FAM167A: variants seen among roughly 807,000 people sequenced by gnomAD.
The protein encoded by FAM167A is protein FAM167A.
A neutral mutation model predicts 14.9 loss-of-function variants in FAM167A; 23 were observed. The observed-to-expected ratio is 1.55, with a 90% CI of 1.11 to 2.19. The LOEUF (loss-of-function observed/expected upper bound fraction) is 2.19. FAM167A is among the 30% of genes most tolerant of loss of function. The pLI is 0.00. For synonymous variants in FAM167A, 174 were observed against 117.7 expected (o/e 1.48, Z -3.10); for missense variants, 401 against 281.5 (o/e 1.42, Z -3.04).
chr8:11,439,245 G>A (rs1040487434), intron 2 of FAM167A, among the ~76,000 whole-genome samples: 46 of 152,242 alleles, frequency 3.0e-4, no homozygotes, highest in Non-Finnish European at 6.3e-4. Context: ...CCTTCTTGCA[G>A]GATAGTGTAT....
At chr8:11,440,877 C>T (rs1806394783) in intron 2 of FAM167A, among the ~76,000 whole-genome samples, 1 of 152,174 alleles carries the variant, frequency 6.6e-6, no homozygotes, top group African/African-American at 2.4e-5. Flanking sequence ...TTTAAAGGTA[C>T]CTTCAATGAG....
upstream of FAM167A, among the ~76,000 whole-genome samples, chr8:11,470,842 C>T (rs1016217918): frequency 1.3e-5 from 2 of 152,038 alleles, no homozygotes; most frequent in African/African-American, 4.8e-5. Flanking sequence ...CCCAGAGTTT[C>T]AAGAAGAAGC....
Position 11,431,545 on chromosome 8 carries a change from G to A in FAM167A, c.382-6909C>T, listed in dbSNP as rs568897387. Among the ~76,000 whole-genome samples, 5 of 152,284 alleles carry A rather than the reference G, an allele frequency of 3.3e-5. No homozygotes were observed. The East Asian group carries it at 5.8e-4, about 18-fold the overall frequency. ...CATTTTATATTATACATATTTTACTGACATTTAAACAACAACAGCAGAGTC... is the reference window on the plus strand; with the variant it reads ...CATTTTATATTATACATATTTTACTAACATTTAAACAACAACAGCAGAGTC... On this transcript the variant is annotated intron_variant, in intron 2 of 2. Coordinates refer to ENST00000284486, the MANE Select transcript of FAM167A (RefSeq NM_053279.3).
At chr8:11,464,114 A>G (rs1247186203) in intron 1 of FAM167A, among the ~76,000 whole-genome samples, 1 of 152,128 alleles carries the variant, frequency 6.6e-6, no homozygotes, top group Non-Finnish European at 1.5e-5. Context: ...CCTGGCAGAG[A>G]TGAGCAGGCA....
upstream of FAM167A, among the ~76,000 whole-genome samples, chr8:11,470,381 A>G (rs1481735816): frequency 6.6e-6 from 1 of 152,176 alleles, no homozygotes; most frequent in Non-Finnish European, 1.5e-5. Flanking sequence ...TGCCACAATC[A>G]GGGGCCAGCA....
rs1389550038 is a variant in FAM167A at position 11,444,671 on chromosome 8, G to A, written c.-260C>T. The A allele has an allele frequency of 4.0e-6, 5 of 1,264,086 alleles. No individual in the cohort carries two copies. The highest frequency in any genetic ancestry group is 3.8e-5 in the Admixed American group (1 of 26,186). 78.3% of individuals were successfully genotyped at this position (1,264,086 alleles called of 1,614,324 possible). On this transcript the variant is annotated 5_prime_UTR_variant, in exon 2 of 3. Coordinates refer to ENST00000284486, the MANE Select transcript of FAM167A (RefSeq NM_053279.3). ...CTGTGGGTGCCATGCTCCACAGAAGGCAGGAACAGACAGCGTCGCAGGAAT... is the reference window on the plus strand; with the variant it reads ...CTGTGGGTGCCATGCTCCACAGAAGACAGGAACAGACAGCGTCGCAGGAAT...
At chr8:11,468,553 T>C (rs1807857964), upstream of FAM167A, among the ~76,000 whole-genome samples, 2 of 152,236 alleles carry the variant, frequency 1.3e-5, no homozygotes, top group Admixed American at 6.5e-5. Flanking sequence ...GGAGCCTCAA[T>C]CTGGACTTGG....
At chr8:11,465,428 C>A (rs1451844893) in intron 1 of FAM167A, among the ~76,000 whole-genome samples, 1 of 152,186 alleles carries the variant, frequency 6.6e-6, no homozygotes, top group African/African-American at 2.4e-5. Context: ...ATAATAGAGT[C>A]TCCTTGAAGA....
chr8:11,443,746 G>A (rs1010518945), intron 2 of FAM167A: 4 of 380,744 alleles, frequency 1.1e-5, no homozygotes, highest in Non-Finnish European at 1.9e-5. Context: ...CGGTGTTGGG[G>A]GGAGGGGGGT....
chr8:11,438,641 T>A (rs1275236853), intron 2 of FAM167A: 1 of 403,954 alleles, frequency 2.5e-6, no homozygotes, highest in East Asian at 7.1e-5. Flanking sequence ...GAAATAAAGA[T>A]CATCAAGTTT....
intron 1 of FAM167A, among the ~76,000 whole-genome samples, chr8:11,465,343 G>T (rs1198138536): frequency 6.6e-6 from 1 of 152,132 alleles, no homozygotes; most frequent in African/African-American, 2.4e-5. Context: ...ACGTGAGGCT[G>T]ACTCTCTGCT....
At chr8:11,473,408 C>T (rs1808022007) in intron 1 of FAM167A, among the ~76,000 whole-genome samples, 1 of 152,130 alleles carries the variant, frequency 6.6e-6, no homozygotes. Context: ...TGTCATTCAC[C>T]AGTGCTGGGG....
At chr8:11,466,601 G>C (rs1807783872) in intron 1 of FAM167A, 25 bp downstream of exon 1, 1 of 152,370 alleles carries the variant, frequency 6.6e-6, no homozygotes, top group Non-Finnish European at 1.5e-5. Flanking sequence ...CCCTGGGAAA[G>C]TCCCCGCCGC....
rs1804914073 is a variant in FAM167A at position 11,423,553 on chromosome 8, T to TA, written c.*819dup. The TA allele has an allele frequency of 6.6e-6, 1 of 152,222 alleles. No individual in the cohort carries two copies. The highest frequency in any genetic ancestry group is 1.5e-5 in the Non-Finnish European group (1 of 68,068). The allele number at this position is 152,222 out of a possible 1,614,324, so 9.4% of individuals were successfully genotyped here. A position where few individuals can be genotyped will look rare whatever the true frequency, so the allele number is the denominator to read the frequency against. ...TCACGCCCCTGCAGGAGAATTCAGT[T>TA]ATGGAAAATGCTTTCAGGACCTGCC... is the stretch of plus-strand genomic sequence containing the variant. On this transcript the variant is annotated 3_prime_UTR_variant, in exon 3 of 3. Transcript: ENST00000284486.
At chr8:11,445,802 G>A (rs970906850) in intron 1 of FAM167A, among the ~76,000 whole-genome samples, 2 of 145,974 alleles carry the variant, frequency 1.4e-5, no homozygotes, top group Non-Finnish European at 3.0e-5. Flanking sequence ...GGTAAGCCCT[G>A]GATTTTAAGG....
At chr8:11,431,909 A>AC in intron 2 of FAM167A, among the ~76,000 whole-genome samples, 1 of 142,104 alleles carries the variant, frequency 7.0e-6, no homozygotes, top group African/African-American at 2.6e-5. Context: ...AAAAAAAAAA[A>AC]AAAAAAAAAA....
intron 1 of FAM167A, among the ~76,000 whole-genome samples, chr8:11,452,185 T>C (rs1319043105): frequency 6.6e-6 from 1 of 152,204 alleles, no homozygotes; most frequent in Non-Finnish European, 1.5e-5. Flanking sequence ...ACTGAGTCTG[T>C]CCACATGCAG....
At chr8:11,446,189 C>T (rs1302046652) in intron 1 of FAM167A, among the ~76,000 whole-genome samples, 4 of 152,132 alleles carry the variant, frequency 2.6e-5, no homozygotes, top group Non-Finnish European at 5.9e-5. Flanking sequence ...GATTCCTCTC[C>T]GACATGGCAC....
chr8:11,463,820 G>A (rs1029861781), intron 1 of FAM167A, among the ~76,000 whole-genome samples: 2 of 152,204 alleles, frequency 1.3e-5, no homozygotes, highest in Admixed American at 1.3e-4. Context: ...CTGGGGAGGA[G>A]GATCACACTT....
Sources: allele counts gnomAD v4.1 joint callset (sites outside exome capture counted in the v4.1 genomes callset), GRCh38; gene constraint gnomAD v4.1.1; transcripts MANE v1.5; gene names NCBI Gene and HGNC (gene_info 2026-07-23, HGNC 2026-07-21).